The following RSRC1 variants were observed in gnomAD, a reference collection of about 807,000 sequenced individuals.
RSRC1 encodes arginine and serine rich coiled-coil 1, also known as serine/Arginine-related protein 53.
In RSRC1, 39 loss-of-function variants were observed where a neutral mutation model predicts 49.1. That is an observed-to-expected ratio of 0.79 (90% CI 0.61 to 1.04). RSRC1 has a LOEUF of 1.04. Among genes scored for constraint, RSRC1 ranks in the 50% least tolerant of loss-of-function variants. The pLI is 0.00. For synonymous variants in RSRC1, 143 were observed against 130.8 expected, an observed-to-expected ratio of 1.09 and a Z score of -0.63; for missense variants, 388 against 402.4, an observed-to-expected ratio of 0.96 and a Z score of 0.31.
chr3:158,293,458 T>C (rs1727062195), intron 4 of RSRC1, among the ~76,000 whole-genome samples: 1 of 152,106 alleles, frequency 6.6e-6, no homozygotes, highest in Admixed American at 6.6e-5. Context: ...TTGTATTATG[T>C]GTCTTTTGTA....
chr3:158,361,231 G>A (rs1249605274), intron 6 of RSRC1, among the ~76,000 whole-genome samples: 1 of 152,184 alleles, frequency 6.6e-6, no homozygotes, highest in Non-Finnish European at 1.5e-5. Context: ...CTCCCAAGGT[G>A]CAGGAACCCA....
chr3:158,123,680 A>G (rs116690811), intron 2 of RSRC1, among the ~76,000 whole-genome samples, 186 bp from the exon 3 acceptor site: 1,906 of 152,324 alleles, frequency 0.013, 51 homozygotes, highest in African/African-American at 0.044. Context: ...TACTGATCCA[A>G]TCACTAAGTT....
intron 6 of RSRC1, among the ~76,000 whole-genome samples, chr3:158,390,106 G>A (rs1038873979): frequency 6.6e-6 from 1 of 152,164 alleles, no homozygotes; most frequent in Non-Finnish European, 1.5e-5. Flanking sequence ...CAGGAACTAT[G>A]ACCAGAAACA....
In RSRC1 at chr3:158,526,097, T is replaced by G. The variant is rs74763852; in HGVS notation, c.653-10995T>G. On this transcript the variant is annotated intron_variant, in intron 7 of 9. Transcript: ENST00000611884. ...AAGTATTTGGTGGTTTCTTTAAACC[T>G]TATGATTTTATATGATGCACTTCAT... Among the ~76,000 whole-genome samples the G allele has an allele frequency of 1.8e-3, 276 of 152,110 alleles. 4 individuals carry two copies. Among genetic ancestry groups the G allele is most frequent in the African/African-American group, 6.5e-3 (269 of 41,536 alleles).
chr3:158,406,753 G>C (rs887667523), intron 6 of RSRC1, among the ~76,000 whole-genome samples: 15 of 152,076 alleles, frequency 9.9e-5, no homozygotes, highest in Admixed American at 5.9e-4. Flanking sequence ...CACTAATCTA[G>C]TGGAAGTCCC....
rs374386502 is a variant in RSRC1, at chr3:158,333,077, G to A, written c.532-21780G>A. Among the ~76,000 whole-genome samples the A allele has an allele frequency of 5.2e-4, 78 of 150,902 alleles. 1 individual carries two copies. The East Asian group carries it at 0.014, about 27-fold the overall frequency. On this transcript the variant is annotated intron_variant, in intron 5 of 9. Coordinates refer to ENST00000611884, the MANE Select transcript of RSRC1 (RefSeq NM_001271838.2). ...TCCGCCTCCCGGGTTCACGCCATTC[G>A]CCTGCCTCAGCCTCCCAAGTAGCTG...
At chr3:158,185,369 C>A (rs1281697343) in intron 3 of RSRC1, among the ~76,000 whole-genome samples, 1 of 151,864 alleles carries the variant, frequency 6.6e-6, no homozygotes, top group African/African-American at 2.4e-5. Flanking sequence ...GCTTCATTAT[C>A]CAGTTTTATT....
chr3:158,157,881 C>A (rs1451252292), intron 3 of RSRC1, among the ~76,000 whole-genome samples: 1 of 152,016 alleles, frequency 6.6e-6, no homozygotes, highest in Non-Finnish European at 1.5e-5. Flanking sequence ...CACCATTGCA[C>A]CCCACCCTGG....
intron 5 of RSRC1, among the ~76,000 whole-genome samples, chr3:158,339,004 A>G (rs573814946): frequency 1.3e-5 from 2 of 152,312 alleles, no homozygotes; most frequent in South Asian, 4.1e-4. Flanking sequence ...TTCAAAAATG[A>G]TACTAGGGCC....
At chr3:158,354,768 C>G (rs778747258) in intron 5 of RSRC1, 89 bp from the exon 6 acceptor site, 3 of 941,020 alleles carry the variant, frequency 3.2e-6, no homozygotes, top group Non-Finnish European at 4.7e-6. Flanking sequence ...CTAATATTTG[C>G]AAACAAATGC....
intron 4 of RSRC1, among the ~76,000 whole-genome samples, chr3:158,277,301 T>A (rs1725871179): frequency 6.6e-6 from 1 of 152,210 alleles, no homozygotes; most frequent in Non-Finnish European, 1.5e-5. Flanking sequence ...GTAATGAGAT[T>A]TTAAACATTT....
At chr3:158,395,511 GAGA>G (rs1331911089) in intron 6 of RSRC1, among the ~76,000 whole-genome samples, 1 of 152,042 alleles carries the variant, frequency 6.6e-6, no homozygotes, top group Non-Finnish European at 1.5e-5. Flanking sequence ...AAAAAAGTGG[GAGA>G]AGGACATGAA....
chr3:158,460,883 C>A, intron 6 of RSRC1, 52 bp from the exon 7 acceptor site: 1 of 1,216,240 alleles, frequency 8.2e-7, no homozygotes, highest in Non-Finnish European at 1.1e-6. Flanking sequence ...AATATTTTCA[C>A]TTTGAATATA....
chr3:158,420,239 C>T (rs1734967817), intron 6 of RSRC1, among the ~76,000 whole-genome samples: 1 of 151,998 alleles, frequency 6.6e-6, no homozygotes, highest in African/African-American at 2.4e-5. Context: ...CAAAATAAAC[C>T]CGAACTCTGC....
intron 6 of RSRC1, among the ~76,000 whole-genome samples, chr3:158,457,749 T>TGTTTG (rs1553809979): frequency 3.4e-5 from 5 of 148,930 alleles, no homozygotes; most frequent in African/African-American, 2.5e-5. Flanking sequence ...TGTTTTTTTT[T>TGTTTG]TTTGTTTGTT....
At chr3:158,157,879 C>T (rs1717976759) in intron 3 of RSRC1, among the ~76,000 whole-genome samples, 1 of 152,026 alleles carries the variant, frequency 6.6e-6, no homozygotes, top group Non-Finnish European at 1.5e-5. Context: ...CACACCATTG[C>T]ACCCCACCCT....
intron 5 of RSRC1, among the ~76,000 whole-genome samples, chr3:158,300,839 T>A (rs2108122844): frequency 6.6e-6 from 1 of 152,272 alleles, no homozygotes; most frequent in East Asian, 1.9e-4. Context: ...TAAGAAAAAT[T>A]ATATTTGTCG....
chr3:158,541,744 T>G lies in RSRC1; in HGVS notation c.760-1591T>G, dbSNP rs373887643. Among the ~76,000 whole-genome samples, 29 of 147,484 alleles carry G rather than the reference T, an allele frequency of 2.0e-4. No homozygotes were observed. The East Asian group carries it at 2.7e-3, about 14-fold the overall frequency. ...ACATAACAATCTCCTATTCATCTTG[T>G]TTTTTTTTAATTTTACTTTTTAATT... On this transcript the variant is annotated intron_variant, in intron 8 of 9. Coordinates refer to ENST00000611884, the MANE Select transcript of RSRC1 (RefSeq NM_001271838.2).
chr3:158,515,031 TC>T (rs1265052298), intron 7 of RSRC1, among the ~76,000 whole-genome samples: 17 of 151,176 alleles, frequency 1.1e-4, no homozygotes, highest in African/African-American at 4.1e-4. Context: ...GAGATGGGTT[TC>T]CTGAATACAG....
Sources: allele counts gnomAD v4.1 joint callset (sites outside exome capture counted in the v4.1 genomes callset), GRCh38; gene constraint gnomAD v4.1.1; transcripts MANE v1.5; gene names NCBI Gene and HGNC (gene_info 2026-07-23, HGNC 2026-07-21).